The following GNG12 variants were observed in gnomAD, a reference collection of about 807,000 sequenced individuals.
GNG12 encodes the protein G protein subunit gamma 12.
For missense variants in GNG12, 69 were observed against 83.8 expected (o/e 0.82, Z 0.69); for synonymous variants, 28 against 29.7 (o/e 0.94, Z 0.19).
intron 1 of GNG12, among the ~76,000 whole-genome samples, chr1:67,816,698 C>T (rs1646955313): frequency 6.6e-6 from 1 of 152,168 alleles, no homozygotes; most frequent in South Asian, 2.1e-4. Context: ...AGGACTGACT[C>T]CTGCGTACTC....
chr1:67,793,950 C>T (rs529614492), intron 1 of GNG12, among the ~76,000 whole-genome samples: 7 of 152,210 alleles, frequency 4.6e-5, no homozygotes, highest in South Asian at 2.1e-4. Flanking sequence ...CTTTTGAATT[C>T]GTTTACTCTT....
intron 1 of GNG12, among the ~76,000 whole-genome samples, chr1:67,792,522 G>C (rs998516113): frequency 1.3e-5 from 2 of 152,104 alleles, no homozygotes; most frequent in Admixed American, 1.3e-4. Context: ...GCTACATTCT[G>C]AATTTTTACT....
chr1:67,821,467 G>T (rs1646984277), intron 1 of GNG12, among the ~76,000 whole-genome samples: 1 of 152,186 alleles, frequency 6.6e-6, no homozygotes, highest in African/African-American at 2.4e-5. Context: ...CAGCTAAGAG[G>T]CAGCAAAGAG....
At chr1:67,812,365 G>A (rs1646931173) in intron 1 of GNG12, among the ~76,000 whole-genome samples, 1 of 152,176 alleles carries the variant, frequency 6.6e-6, no homozygotes, top group South Asian at 2.1e-4. Context: ...GGTAGAACGG[G>A]TGTTAATTTC....
Position 67,795,231 on chromosome 1 carries a change from G to T in GNG12, c.-76-17724C>A, listed in dbSNP as rs183320009. Among the ~76,000 whole-genome samples the T allele has an allele frequency of 1.0e-3, 154 of 152,246 alleles. 1 individual carries two copies. The highest frequency in any genetic ancestry group is 3.6e-3 in the African/African-American group (151 of 41,548). ...TGCAATTTTGACGGTTCCCAACCCTGCCATCCGCAGTTAGTTACACTGCAC... is the reference window on the plus strand; with the variant it reads ...TGCAATTTTGACGGTTCCCAACCCTTCCATCCGCAGTTAGTTACACTGCAC... On this transcript the variant is annotated intron_variant, in intron 1 of 3. Coordinates refer to ENST00000370982, the MANE Select transcript of GNG12 (RefSeq NM_018841.6).
intron 1 of GNG12, among the ~76,000 whole-genome samples, chr1:67,823,374 G>A (rs1203899359): frequency 6.6e-6 from 1 of 152,114 alleles, no homozygotes; most frequent in East Asian, 1.9e-4. Flanking sequence ...TCAGACATTA[G>A]CAACTGGCAT....
chr1:67,783,985 T>A (rs1417508238), intron 1 of GNG12, among the ~76,000 whole-genome samples: 1 of 151,188 alleles, frequency 6.6e-6, no homozygotes, highest in East Asian at 1.9e-4. Flanking sequence ...CAAAGGACTA[T>A]AAATCATGCT....
chr1:67,813,779 A>T (rs1646939017), intron 1 of GNG12, among the ~76,000 whole-genome samples: 1 of 152,190 alleles, frequency 6.6e-6, no homozygotes, highest in Non-Finnish European at 1.5e-5. Flanking sequence ...CAACTTTTGC[A>T]TCTTTTCCTC....
rs372091872 is a variant in GNG12, at chr1:67,758,552, T to C, written c.-27+18906A>G. ...CTGGACAGGGGCTGAGTGGCTGCTA[T>C]ATGCACACTGGAGCACACATTGATA... On this transcript the variant is annotated intron_variant, in intron 2 of 3. Transcript: ENST00000370982. Among the ~76,000 whole-genome samples, 5 of 152,322 alleles carry C rather than the reference T, an allele frequency of 3.3e-5. No individual in the cohort carries two copies. In the East Asian group the frequency reaches 5.8e-4, roughly 18 times the overall value.
rs145450264 is a variant in GNG12, at chr1:67,756,502, A to G, written c.-27+20956T>C. ...CATGTGGTGCTATGGCTGCTGCTCA[A>G]AGGATGATGGCTCTGGACACCAGTT... On this transcript the variant is annotated intron_variant, in intron 2 of 3. Transcript: ENST00000370982. Among the ~76,000 whole-genome samples, 188 of 150,856 alleles carry G rather than the reference A, an allele frequency of 1.2e-3. 1 individual carries two copies. Among genetic ancestry groups the G allele is most frequent in the African/African-American group, 4.4e-3 (176 of 40,180 alleles).
intron 1 of GNG12, among the ~76,000 whole-genome samples, chr1:67,784,832 G>T (rs1157251628): frequency 1.3e-5 from 2 of 151,998 alleles, no homozygotes; most frequent in African/African-American, 4.8e-5. Flanking sequence ...TTACTCAAGA[G>T]CTATGATATT....
At chr1:67,741,903 T>C (rs935803399) in intron 2 of GNG12, among the ~76,000 whole-genome samples, 4 of 152,188 alleles carry the variant, frequency 2.6e-5, no homozygotes, top group African/African-American at 9.7e-5. Flanking sequence ...GGCTGCTCAG[T>C]TGGAGCTGAG....
chr1:67,731,480 C>T (rs544682323), intron 2 of GNG12, among the ~76,000 whole-genome samples: 4 of 152,130 alleles, frequency 2.6e-5, no homozygotes, highest in African/African-American at 7.2e-5. Context: ...GCAGGCTTCA[C>T]GGAGGAGGTG....
intron 1 of GNG12, among the ~76,000 whole-genome samples, chr1:67,809,382 T>C (rs996055208): frequency 2.0e-5 from 3 of 152,128 alleles, no homozygotes; most frequent in East Asian, 3.9e-4. Context: ...GGTATGGCAA[T>C]GGCTTTTTAC....
rs554183014 is a variant in GNG12, at chr1:67,801,551, C to T, written c.-76-24044G>A. Among the ~76,000 whole-genome samples, 85 of 152,212 alleles carry T rather than the reference C, an allele frequency of 5.6e-4. 1 individual carries two copies. The highest frequency in any genetic ancestry group is 8.4e-4 in the Non-Finnish European group (57 of 68,010). ...ATGAACCAAGAAGTTTTTATAAAGA[C>T]GGTAACATGAGTACATTCGTGCTGT... On this transcript the variant is annotated intron_variant, in intron 1 of 3. Transcript: ENST00000370982.
At chr1:67,772,373 T>C (rs1186999798) in intron 2 of GNG12, among the ~76,000 whole-genome samples, 1 of 152,196 alleles carries the variant, frequency 6.6e-6, no homozygotes, top group Non-Finnish European at 1.5e-5. Flanking sequence ...GTCTGGATCA[T>C]GACACCAAAC....
chr1:67,748,824 T>C (rs1260080936), intron 2 of GNG12, among the ~76,000 whole-genome samples: 1 of 152,214 alleles, frequency 6.6e-6, no homozygotes, highest in Non-Finnish European at 1.5e-5. Context: ...GCCCCTTTCT[T>C]TGCTATCACA....
intron 2 of GNG12, among the ~76,000 whole-genome samples, chr1:67,734,526 C>T (rs1214400559): frequency 6.6e-6 from 1 of 152,162 alleles, no homozygotes; most frequent in Non-Finnish European, 1.5e-5. Flanking sequence ...AAGTGAAGCA[C>T]AGGAAGCTAA....
chr1:67,767,888 T>C (rs1305020635), intron 2 of GNG12, among the ~76,000 whole-genome samples: 1 of 152,258 alleles, frequency 6.6e-6, no homozygotes, highest in African/African-American at 2.4e-5. Context: ...TTCTTACATA[T>C]AGAAATGTCT....
Sources: gnomAD v4.1 joint callset for allele counts (sites outside exome capture counted in the v4.1 genomes callset) on GRCh38, gnomAD v4.1.1 for gene constraint, MANE v1.5 for transcripts, NCBI Gene and HGNC (gene_info 2026-07-23, HGNC 2026-07-21) for gene names.